ZFHX3: variants seen among roughly 807,000 people sequenced by gnomAD.
ZFHX3 encodes zinc finger homeobox 3, also known as zinc finger homeobox protein 3.
A neutral mutation model predicts 279.1 loss-of-function variants in ZFHX3; 42 were observed. That is an observed-to-expected ratio of 0.15 (90% confidence interval 0.12 to 0.19). The LOEUF (loss-of-function observed/expected upper bound fraction) is 0.19, where lower values mean the gene tolerates loss of function less well. Among genes scored for constraint, ZFHX3 ranks in the 10% least tolerant of loss-of-function variants. The pLI, the probability that ZFHX3 is intolerant of heterozygous loss-of-function variation, is 1.00. For missense variants in ZFHX3, 4,981 were observed against 4,754.0 expected (o/e 1.05, Z -1.40); for synonymous variants, 2,293 against 1,957.8 (o/e 1.17, Z -4.52).
intron 4 of ZFHX3, among the ~76,000 whole-genome samples, chr16:73,264,235 T>C (rs10220949): frequency 0.3 from 45,016 of 152,064 alleles, 7,440 homozygotes; most frequent in Non-Finnish European, 0.39. Flanking sequence ...CCCCCTCTTC[T>C]TTTTATCCCT....
intron 5 of ZFHX3, chr16:73,233,840 CTTTTCTGATTGAGG>C (rs2012856870): frequency 6.6e-6 from 1 of 152,192 alleles, no homozygotes; most frequent in Admixed American, 6.5e-5. Context: ...TATCCTCCTT[CTTTTCTGATTGAGG>C]TTTTAATTTC....
intron 1 of ZFHX3, among the ~76,000 whole-genome samples, chr16:72,968,899 T>A (rs1010754332): frequency 2.0e-5 from 3 of 152,130 alleles, no homozygotes; most frequent in African/African-American, 4.8e-5. Context: ...AATATGTGAG[T>A]GTGTAAGTGT....
At chr16:73,716,413 T>G (rs116520222) in intron 1 of ZFHX3, among the ~76,000 whole-genome samples, 138 of 152,204 alleles carry the variant, frequency 9.1e-4, no homozygotes, top group African/African-American at 3.2e-3. Context: ...CCACAACAAT[T>G]AAGCTGCTGG....
At chr16:73,793,740 A>G (rs551867752) in intron 1 of ZFHX3, among the ~76,000 whole-genome samples, 1 of 152,224 alleles carries the variant, frequency 6.6e-6, no homozygotes, top group Non-Finnish European at 1.5e-5. Flanking sequence ...TTTGGAATGA[A>G]GAGGAATAAG....
intron 1 of ZFHX3, among the ~76,000 whole-genome samples, chr16:73,714,731 TG>T (rs2053398144): frequency 6.6e-6 from 1 of 152,202 alleles, no homozygotes; most frequent in African/African-American, 2.4e-5. Context: ...TTATTTTTGA[TG>T]TTTTCCAAAA....
intron 5 of ZFHX3, among the ~76,000 whole-genome samples, chr16:73,215,884 T>A (rs760339802): frequency 6.6e-6 from 1 of 152,096 alleles, no homozygotes; most frequent in Non-Finnish European, 1.5e-5. Flanking sequence ...TGGACGTGTG[T>A]GTGTGTGCGT....
Position 73,141,716 on chromosome 16 carries a change from C to T in ZFHX3, c.-1024+2036G>A, listed in dbSNP as rs1966848232. 2.0e-5 allele frequency among the ~76,000 whole-genome samples: 3 copies of T among 152,156 alleles called. No individual in the cohort carries two copies. The South Asian group carries it at 6.2e-4, about 32-fold the overall frequency. On this transcript the variant is annotated intron_variant, in intron 6 of 17. Coordinates refer to the ZFHX3 transcript ENST00000641206. ...TCATGCTCAGCTAAATAAATTTTCT[C>T]ATTTAATCCTACCACCCTCCCTTTG...
chr16:73,723,500 T>A (rs16972380), intron 1 of ZFHX3, among the ~76,000 whole-genome samples: 2,026 of 152,104 alleles, frequency 0.013, 38 homozygotes, highest in African/African-American at 0.046. Context: ...ATTGTTGACA[T>A]GAAAACACAG....
chr16:73,458,503 G>A (rs2018415341), intron 2 of ZFHX3, among the ~76,000 whole-genome samples: 2 of 152,186 alleles, frequency 1.3e-5, no homozygotes, highest in East Asian at 1.9e-4. Context: ...AGCCTCCTGA[G>A]TAGCTGGGAT....
At chr16:72,965,742 CTT>C (rs752907372) in intron 1 of ZFHX3, among the ~76,000 whole-genome samples, 4 of 151,920 alleles carry the variant, frequency 2.6e-5, no homozygotes, top group Non-Finnish European at 5.9e-5. Flanking sequence ...GTCAGAGTGA[CTT>C]AATGGATATG....
intron 3 of ZFHX3, among the ~76,000 whole-genome samples, chr16:72,917,679 T>C (rs891581664): frequency 1.7e-4 from 26 of 152,174 alleles, no homozygotes; most frequent in African/African-American, 5.8e-4. Flanking sequence ...GAAATAATAA[T>C]ATCACATCTG....
intron 1 of ZFHX3, among the ~76,000 whole-genome samples, chr16:73,778,075 A>G (rs1359088060): frequency 6.6e-6 from 1 of 150,406 alleles, no homozygotes; most frequent in Non-Finnish European, 1.5e-5. Context: ...ATAATATCAA[A>G]CAAAATAAAT....
chr16:72,954,778 G>T (rs1961167507), intron 2 of ZFHX3, among the ~76,000 whole-genome samples: 1 of 152,182 alleles, frequency 6.6e-6, no homozygotes, highest in African/African-American at 2.4e-5. Context: ...AGGCGAAGGA[G>T]CCCCAAGCCT....
intron 1 of ZFHX3, among the ~76,000 whole-genome samples, chr16:73,014,701 A>G (rs1964038144): frequency 6.6e-6 from 1 of 151,342 alleles, no homozygotes; most frequent in Non-Finnish European, 1.5e-5. Context: ...TAATTTTTGT[A>G]TTTTTAGTAG....
At chr16:73,853,263 A>C (rs1400451282) in intron 1 of ZFHX3, among the ~76,000 whole-genome samples, 3 of 152,250 alleles carry the variant, frequency 2.0e-5, no homozygotes, top group African/African-American at 7.2e-5. Context: ...GGACAACAAT[A>C]CAGAGATTTC....
Position 72,785,385 on chromosome 16 carries a change from T to TAACA in ZFHX3, c.*1775_*1778dup, listed in dbSNP as rs1179016635. The TAACA allele has an allele frequency of 5.2e-5, 8 of 152,776 alleles. No individual in the cohort carries two copies. The highest frequency in any genetic ancestry group is 6.5e-5 in the Admixed American group (1 of 15,308). The allele number at this position is 152,776 out of a possible 1,614,324, so 9.5% of individuals were successfully genotyped here. A position where few individuals can be genotyped will look rare whatever the true frequency, so the allele number is the denominator to read the frequency against. On this transcript the variant is annotated 3_prime_UTR_variant, in exon 10 of 10. Transcript: ENST00000268489. The stretch of plus-strand genomic sequence containing the variant: ...TGGATCACTCGCTGCTCAGACTGCC[T>TAACA]AACACAAGGACAAAACTTTGAAGTA...
chr16:73,520,274 T>G (rs2019589201), intron 2 of ZFHX3, among the ~76,000 whole-genome samples: 1 of 152,250 alleles, frequency 6.6e-6, no homozygotes, highest in African/African-American at 2.4e-5. Context: ...TCTCATTTTC[T>G]GAACTTTCCA....
chr16:73,419,029 A>T (rs62042251), intron 3 of ZFHX3, among the ~76,000 whole-genome samples: 23,579 of 152,190 alleles, frequency 0.15, 2,275 homozygotes, highest in Middle Eastern at 0.26. Flanking sequence ...TCAGCTCTAG[A>T]GTAAACAAAA....
At chr16:73,610,731 T>C (rs918934322) in intron 2 of ZFHX3, among the ~76,000 whole-genome samples, 8 of 152,228 alleles carry the variant, frequency 5.3e-5, no homozygotes, top group African/African-American at 1.9e-4. Context: ...CAGGCTGGGA[T>C]AGAAAGGGAT....
Sources: gnomAD v4.1 joint callset for allele counts (sites outside exome capture counted in the v4.1 genomes callset) on GRCh38, gnomAD v4.1.1 for gene constraint, MANE v1.5 for transcripts, NCBI Gene and HGNC (gene_info 2026-07-23, HGNC 2026-07-21) for gene names.